LY6S: variants seen among roughly 807,000 people sequenced by gnomAD.
LY6S encodes lymphocyte antigen 6S.
the LY6S span, among the ~76,000 whole-genome samples, chr8:143,072,347 G>T: frequency 1.3e-4 from 15 of 115,366 alleles, no homozygotes; most frequent in East Asian, 7.1e-4. Flanking sequence ...GTCGTCCTCG[G>T]GGTTCCTGTT....
the LY6S span, among the ~76,000 whole-genome samples, chr8:143,071,826 G>T: frequency 2.0e-5 from 3 of 152,130 alleles, no homozygotes; most frequent in African/African-American, 7.2e-5. Flanking sequence ...AATCTTCCAA[G>T]ATCTACGGGA....
At chr8:143,066,148 A>ATTTCTTTTCTTCTCTTTTCT in the LY6S span, 25 of 253,434 alleles carry the variant, frequency 9.9e-5, 1 homozygote, top group South Asian at 9.9e-4. Context: ...CCAATGATGA[A>ATTTCTTTTCTTCTCTTTTCT]TTTCTTTTCT....
chr8:143,068,351 T>A, the LY6S span, among the ~76,000 whole-genome samples: 12 of 152,218 alleles, frequency 7.9e-5, no homozygotes, highest in African/African-American at 2.9e-4. Flanking sequence ...TAACAGCACC[T>A]CAAAGCAGAA....
At chr8:143,069,451 G>A in the LY6S span, among the ~76,000 whole-genome samples, 4 of 152,136 alleles carry the variant, frequency 2.6e-5, no homozygotes, top group African/African-American at 4.8e-5. Context: ...CTTCTTAGAA[G>A]TGCCGCAGGC....
the LY6S span, chr8:143,059,558 C>T: frequency 9.9e-5 from 15 of 152,194 alleles, no homozygotes; most frequent in Non-Finnish European, 1.6e-4. Flanking sequence ...ATAAGAATAA[C>T]GTCTTGTAGG....
At chr8:143,068,780 C>T in the LY6S span, among the ~76,000 whole-genome samples, 1 of 151,836 alleles carries the variant, frequency 6.6e-6, no homozygotes, top group South Asian at 2.1e-4. Context: ...GAATATCTCG[C>T]TCCAGATTGA....
At chr8:143,045,595 C>T in the LY6S span, among the ~76,000 whole-genome samples, 1 of 151,938 alleles carries the variant, frequency 6.6e-6, no homozygotes. The surrounding 1 kb of genome is among the most constrained non-coding windows in gnomAD (Gnocchi z 5.3). Context: ...GGCTGTACTG[C>T]ACCTCCTCTC....
chr8:143,062,905 T>A, the LY6S span, among the ~76,000 whole-genome samples: 1 of 152,160 alleles, frequency 6.6e-6, no homozygotes, highest in African/African-American at 2.4e-5. Flanking sequence ...AGGGCAACCT[T>A]GGAGAAGAAC....
At chr8:143,065,929 G>A in the LY6S span, 3 of 276,546 alleles carry the variant, frequency 1.1e-5, no homozygotes, top group East Asian at 2.0e-4. Context: ...GTGGGCTTTG[G>A]TGGCGGTCGT....
At chr8:143,073,165 GTT>G in the LY6S span, among the ~76,000 whole-genome samples, 1 of 100,082 alleles carries the variant, frequency 1.0e-5, no homozygotes, top group African/African-American at 5.7e-5. Flanking sequence ...CGTCCCCGGG[GTT>G]CCTGTTTGAG....
the LY6S span, among the ~76,000 whole-genome samples, chr8:143,054,719 C>G: frequency 1.4e-3 from 207 of 152,316 alleles, no homozygotes; most frequent in African/African-American, 4.8e-3. Context: ...CCTTTTCCCA[C>G]GTACCAACAT....
chr8:143,051,766 GT>G, the LY6S span, among the ~76,000 whole-genome samples: 185 of 151,794 alleles, frequency 1.2e-3, no homozygotes, highest in African/African-American at 4.3e-3. Context: ...GAGGTCAGGA[GT>G]TCTAGACCAC....
the LY6S span, chr8:143,044,757 C>T: frequency 7.3e-7 from 1 of 1,367,532 alleles, no homozygotes; most frequent in Non-Finnish European, 9.8e-7. Flanking sequence ...TGCAGGAGGC[C>T]CCTTCCAAGA....
chr8:143,059,111 C>T, the LY6S span, among the ~76,000 whole-genome samples: 1 of 152,110 alleles, frequency 6.6e-6, no homozygotes, highest in Non-Finnish European at 1.5e-5. Context: ...TGTCTCTTGC[C>T]TCGGCGCCTG....
chr8:143,070,828 A>T, the LY6S span, among the ~76,000 whole-genome samples: 1 of 151,316 alleles, frequency 6.6e-6, no homozygotes, highest in East Asian at 1.9e-4. Context: ...TTCTTCTCTC[A>T]CTCCTCCTCT....
the LY6S span, among the ~76,000 whole-genome samples, chr8:143,070,408 T>G: frequency 1.6e-5 from 2 of 122,946 alleles, no homozygotes; most frequent in Non-Finnish European, 3.2e-5. Flanking sequence ...TATTTTTTAT[T>G]TATGTATATA....
chr8:143,074,407 C>T, the LY6S span, among the ~76,000 whole-genome samples: 1 of 152,036 alleles, frequency 6.6e-6, no homozygotes, highest in East Asian at 1.9e-4. Flanking sequence ...TTTCTATGGA[C>T]CTGTCTGAAA....
the LY6S span, among the ~76,000 whole-genome samples, chr8:143,044,419 C>T: frequency 0.13 from 20,244 of 152,022 alleles, 3,759 homozygotes; most frequent in African/African-American, 0.41. Flanking sequence ...CTCTAGAACC[C>T]GGAACATCCC....
chr8:143,063,019 C>T, the LY6S span, among the ~76,000 whole-genome samples: 11 of 152,304 alleles, frequency 7.2e-5, no homozygotes, highest in East Asian at 1.4e-3. Context: ...GGCCTGTCCC[C>T]TCCATTTTTT....
Sources: gnomAD v4.1 joint callset for allele counts (sites outside exome capture counted in the v4.1 genomes callset) on GRCh38, gnomAD v4.1.1 for gene constraint, Gnocchi (gnomAD v3.1) non-coding constraint, MANE v1.5 for transcripts, NCBI Gene and HGNC (gene_info 2026-07-23, HGNC 2026-07-21) for gene names.